Variants in KIF17 observed in about 807,000 individuals in gnomAD.
KIF17 encodes kinesin-like protein KIF17.
KIF17 carries 80 observed loss-of-function variants against 96.8 expected under a neutral mutation model. That is an observed-to-expected ratio of 0.83 (90% CI 0.69 to 1.00). KIF17 has a LOEUF of 1.00. Among genes scored for constraint, KIF17 ranks in the 50% least tolerant of loss-of-function variants. The probability of loss-of-function intolerance (pLI) is 0.00; values close to 1 mark genes in which losing one functional copy is unlikely to be tolerated. For missense variants in KIF17, 1,280 were observed against 1,372.9 expected, an observed-to-expected ratio of 0.93 and a Z score of 1.07; for synonymous variants, 567 against 587.5, an observed-to-expected ratio of 0.97 and a Z score of 0.51.
chr1:20,687,363 T>C lies in KIF17; in HGVS notation c.1938+25A>G, dbSNP rs768331387. On this transcript the variant is annotated intron_variant, in intron 8 of 14. Coordinates refer to ENST00000400463, the MANE Select transcript of KIF17 (RefSeq NM_001122819.3). The surrounding 1 kb of genome is among the most constrained non-coding windows in gnomAD (Gnocchi z 4.4). Reference sequence around the variant, plus strand: ...AAGCTCTGCCTGCTCAGTGTTCACATGGCACCATGCGTGACATCAGCTACC... The same window carrying C: ...AAGCTCTGCCTGCTCAGTGTTCACACGGCACCATGCGTGACATCAGCTACC... 12 of 1,611,660 alleles carry C rather than the reference T, an allele frequency of 7.4e-6. No homozygotes were observed. The Admixed American group carries it at 8.3e-5, about 11-fold the overall frequency.
At position 20,672,824 on chromosome 1, in the gene KIF17, C is replaced by T. The variant is rs560971716; in HGVS notation, c.2464-628G>A. 6.0e-6 allele frequency: 1 copy of T among 165,312 alleles called. No homozygotes were observed. Among genetic ancestry groups the T allele is most frequent in the East Asian group, 1.6e-4 (1 of 6,382 alleles). The allele number at this position is 165,312 out of a possible 1,614,324, so 10.2% of individuals were successfully genotyped here. On this transcript the variant is annotated intron_variant, in intron 11 of 14. Coordinates refer to ENST00000400463, the MANE Select transcript of KIF17 (RefSeq NM_001122819.3). This position sits in a 1 kb window ranked among gnomAD's most constrained non-coding sequence, Gnocchi z 4.3. ...GACCGGTCCCCCGGTCCCTCCTGAGCACAGGTGACTGCCAGCCCCAGCCAT... is the reference window on the plus strand; with the variant it reads ...GACCGGTCCCCCGGTCCCTCCTGAGTACAGGTGACTGCCAGCCCCAGCCAT...
intron 2 of KIF17, among the ~76,000 whole-genome samples, chr1:20,714,796 C>CAAAAA (rs34182653): frequency 9.3e-5 from 10 of 107,564 alleles, no homozygotes; most frequent in African/African-American, 1.9e-4. Flanking sequence ...GACTCCGTCT[C>CAAAAA]AAAAAAAAAA....
downstream of KIF17, among the ~76,000 whole-genome samples, chr1:20,662,250 A>G (rs1457886189): frequency 7.9e-5 from 12 of 152,174 alleles, no homozygotes; most frequent in African/African-American, 2.4e-4. Context: ...CACCTCTTCT[A>G]GGTTAATACA....
chr1:20,688,369 G>T (rs572347514), intron 7 of KIF17, among the ~76,000 whole-genome samples: 2 of 152,160 alleles, frequency 1.3e-5, no homozygotes, highest in African/African-American at 4.8e-5. Context: ...GTTTCTAAAA[G>T]ACCAGCTTAA....
intron 11 of KIF17, among the ~76,000 whole-genome samples, chr1:20,679,436 T>C (rs1457338905): frequency 6.6e-6 from 1 of 152,082 alleles, no homozygotes; most frequent in Non-Finnish European, 1.5e-5. Context: ...GCTATGATTG[T>C]GCCACTGCAC....
At chr1:20,707,332 A>G (rs1207708713) in intron 4 of KIF17, among the ~76,000 whole-genome samples, 1 of 152,224 alleles carries the variant, frequency 6.6e-6, no homozygotes, top group Non-Finnish European at 1.5e-5. Context: ...GGAAAATGGC[A>G]TGAGCCAGGC....
intron 4 of KIF17, among the ~76,000 whole-genome samples, chr1:20,707,286 A>G (rs875016): frequency 0.43 from 64,792 of 152,132 alleles, 17,063 homozygotes; most frequent in Non-Finnish European, 0.6. Flanking sequence ...GACTTGCAGC[A>G]CTGGGAAACT....
At chr1:20,715,414 G>A (rs919698945) in intron 2 of KIF17, 79 bp downstream of exon 2, 42 of 1,578,620 alleles carry the variant, frequency 2.7e-5, no homozygotes, top group Middle Eastern at 2.2e-4. Flanking sequence ...AAGACTTCCC[G>A]TGTCTCTGCC....
chr1:20,666,435 T>C, intron 13 of KIF17, 104 bp from the exon 14 acceptor site: 1 of 932,612 alleles, frequency 1.1e-6, no homozygotes. Context: ...GCCCCGAGCT[T>C]CCCCGAAGTT....
At position 20,687,307 on chromosome 1, in the gene KIF17, G is replaced by A. The variant is rs2053954699; in HGVS notation, c.1938+81C>T. On this transcript the variant is annotated intron_variant, in intron 8 of 14. Coordinates refer to ENST00000400463, the MANE Select transcript of KIF17 (RefSeq NM_001122819.3). This position sits in a 1 kb window ranked among gnomAD's most constrained non-coding sequence, Gnocchi z 4.4. The stretch of plus-strand genomic sequence containing the variant: ...GTGTCGGAGGCCATGTGTGTGAACA[G>A]TGTGTGCACAGTGAGCTCCGGGCCC... 6.9e-7 allele frequency: 1 copy of A among 1,446,320 alleles called. No homozygotes were observed. The highest frequency in any genetic ancestry group is 9.7e-7 in the Non-Finnish European group (1 of 1,030,218). 89.6% of individuals were successfully genotyped at this position (1,446,320 alleles called of 1,614,324 possible).
chr1:20,706,656 T>C (rs1375882373), intron 4 of KIF17, among the ~76,000 whole-genome samples: 2 of 151,546 alleles, frequency 1.3e-5, no homozygotes, highest in Non-Finnish European at 2.9e-5. Context: ...CTTTGGGAGA[T>C]GGGAGGATTG....
intron 5 of KIF17, among the ~76,000 whole-genome samples, chr1:20,701,215 C>T (rs1274789827): frequency 6.6e-6 from 1 of 152,126 alleles, no homozygotes; most frequent in African/African-American, 2.4e-5. Flanking sequence ...GGGCGAATCA[C>T]GAGGTCCTGA....
intron 13 of KIF17, among the ~76,000 whole-genome samples, chr1:20,668,006 G>T (rs2053557521): frequency 7.0e-6 from 1 of 141,894 alleles, no homozygotes; most frequent in Non-Finnish European, 1.5e-5. Flanking sequence ...GTGAAACTCT[G>T]TCTCAAAAAA....
In KIF17 at chr1:20,704,290, G is replaced by A. The variant is rs549245008; in HGVS notation, c.1123+157C>T. ...CTGACAAGCAGATACCATCTGGGCC[G>A]TCTCCAACCAGGGCCCTGCGCTCAC... On this transcript the variant is annotated intron_variant, in intron 5 of 14. Transcript: ENST00000400463. This position sits in a 1 kb window ranked among gnomAD's most constrained non-coding sequence, Gnocchi z 6.8. 1.3e-3 allele frequency among the ~76,000 whole-genome samples: 181 copies of A among 142,504 alleles called. 1 individual carries two copies. The highest frequency in any genetic ancestry group is 4.0e-3 in the African/African-American group (165 of 40,878). 93.5% of individuals were successfully genotyped at this position (142,504 alleles called of 152,430 possible).
Position 20,704,528 on chromosome 1 carries a change from C to T in KIF17, c.1042G>A (p.Ala348Thr), listed in dbSNP as rs2054305405. 6.2e-7 allele frequency: 1 copy of T among 1,614,242 alleles called. No individual in the cohort carries two copies. The highest frequency in any genetic ancestry group is 8.5e-7 in the Non-Finnish European group (1 of 1,180,034). ...TCCTCCTGGTACTCGCGAAGCAGCGCATCCTTGGGGTCCTCATTGATGCGC... is the reference window on the plus strand; with the variant it reads ...TCCTCCTGGTACTCGCGAAGCAGCGTATCCTTGGGGTCCTCATTGATGCGC... ...KPRINEDPKDALLREYQEEIK... is the reference protein window; with the variant it reads ...KPRINEDPKDTLLREYQEEIK... Residue 348 changes from alanine (A) to threonine (T), a missense_variant, in exon 5 of 15, where the codon GCG (alanine) becomes ACG (threonine). Ala to Thr is a moderately conservative substitution (Grantham distance 58, BLOSUM62 0). Coordinates refer to ENST00000400463, the MANE Select transcript of KIF17 (RefSeq NM_001122819.3). The surrounding 1 kb of genome is among the most constrained non-coding windows in gnomAD (Gnocchi z 6.8).
chr1:20,712,068 C>G (rs2054446977), intron 3 of KIF17, among the ~76,000 whole-genome samples: 1 of 152,190 alleles, frequency 6.6e-6, no homozygotes, highest in African/African-American at 2.4e-5. Flanking sequence ...TTCAATAGGC[C>G]TGAGACCCAT....
At chr1:20,714,562 C>T (rs1427507588) in intron 2 of KIF17, among the ~76,000 whole-genome samples, 6 of 151,804 alleles carry the variant, frequency 4.0e-5, no homozygotes, top group Non-Finnish European at 5.9e-5. Context: ...TTTGGGAGGC[C>T]GAGGCCAATG....
At position 20,687,071 on chromosome 1, in the gene KIF17, C is replaced by A. The variant is rs1305634633; in HGVS notation, c.1938+317G>T. Among the ~76,000 whole-genome samples, 1 of 152,208 alleles carries A rather than the reference C, an allele frequency of 6.6e-6. No individual in the cohort carries two copies. Among genetic ancestry groups the A allele is most frequent in the Non-Finnish European group, 1.5e-5 (1 of 68,048 alleles). On this transcript the variant is annotated intron_variant, in intron 8 of 14. Coordinates refer to ENST00000400463, the MANE Select transcript of KIF17 (RefSeq NM_001122819.3). The surrounding 1 kb of genome is among the most constrained non-coding windows in gnomAD (Gnocchi z 4.4). The stretch of plus-strand genomic sequence containing the variant: ...CGTCAGGCCTGGACACTCACTGTAA[C>A]CATGGCAACTGGGCAAACGCCCTGT...
rs1169826645 is a variant in KIF17, at chr1:20,664,484, G to A, written c.*100C>T. 6.2e-7 allele frequency: 1 copy of A among 1,606,846 alleles called. No individual in the cohort carries two copies. Among genetic ancestry groups the A allele is most frequent in the Non-Finnish European group, 8.5e-7 (1 of 1,178,226 alleles). Reference sequence around the variant, plus strand: ...GCTGAGGGAGCCCTCAGGCCCCGGAGCGCTGTGTGGCAGGTGGGAGGAGAC... The same window carrying A: ...GCTGAGGGAGCCCTCAGGCCCCGGAACGCTGTGTGGCAGGTGGGAGGAGAC... On this transcript the variant is annotated 3_prime_UTR_variant, in exon 15 of 15. Transcript: ENST00000400463.
Sources: allele counts gnomAD v4.1 joint callset (sites outside exome capture counted in the v4.1 genomes callset), GRCh38; gene constraint gnomAD v4.1.1; non-coding constraint Gnocchi (gnomAD v3.1); transcripts MANE v1.5; gene names NCBI Gene and HGNC (gene_info 2026-07-23, HGNC 2026-07-21).